ABCA3: variants seen among roughly 807,000 people sequenced by gnomAD.
ABCA3 encodes phospholipid-transporting ATPase ABCA3.
ABCA3 carries 88 observed loss-of-function variants against 172.8 expected under a neutral mutation model. That is an observed-to-expected ratio of 0.51 (90% CI 0.43 to 0.61). The LOEUF is 0.61. Ranked by LOEUF, ABCA3 falls within the 20% of genes least tolerant of loss-of-function variation. The pLI is 0.00. For synonymous variants in ABCA3, 1,066 were observed against 983.8 expected (o/e 1.08, Z -1.56); for missense variants, 2,164 against 2,301.0 (o/e 0.94, Z 1.22).
intron 20 of ABCA3, 135 bp downstream of exon 20, chr16:2,289,299 G>A (rs761618934): frequency 1.9e-5 from 21 of 1,099,412 alleles, no homozygotes; most frequent in Non-Finnish European, 2.5e-5. Context: ...GCCGCTGCCC[G>A]CCCTCTGCCC....
rs558911274 is a variant in ABCA3 at position 2,297,724 on chromosome 16, G to A, written c.2052+42C>T. 1.2e-5 allele frequency: 19 copies of A among 1,604,826 alleles called. No homozygotes were observed. The highest frequency in any genetic ancestry group is 6.7e-5 in the Admixed American group (4 of 60,004). The stretch of plus-strand genomic sequence containing the variant: ...CATGGCGGAAGGGCCATCCCAGGTC[G>A]AGCAGGAGGGGAACCCACTGCCTCC... On this transcript the variant is annotated intron_variant, in intron 16 of 32. Transcript: ENST00000301732. This position sits in a 1 kb window ranked among gnomAD's most constrained non-coding sequence, Gnocchi z 5.6.
intron 7 of ABCA3, 72 bp downstream of exon 7, chr16:2,323,451 G>C: frequency 6.3e-7 from 1 of 1,587,450 alleles, no homozygotes; most frequent in Non-Finnish European, 8.6e-7. Context: ...TTGCAAAGTG[G>C]GGCTGCCCCC....
chr16:2,302,438 G>A (rs2141713708), intron 12 of ABCA3, among the ~76,000 whole-genome samples: 1 of 151,598 alleles, frequency 6.6e-6, no homozygotes, highest in African/African-American at 2.4e-5. Context: ...TATCTGAGTT[G>A]TACTGTTAGG....
rs78569833 is a variant in ABCA3, at chr16:2,297,167, A to C, written c.2263+162T>G. On this transcript the variant is annotated intron_variant, in intron 17 of 32. Coordinates refer to ENST00000301732, the MANE Select transcript of ABCA3 (RefSeq NM_001089.3). The surrounding 1 kb of genome is among the most constrained non-coding windows in gnomAD (Gnocchi z 5.6). ...CATTTCCTGCCTCTTCCCTCTCACA[A>C]GCCCCCCTGCCTGGTTGGGCTCTCC... 5.8e-3 allele frequency among the ~76,000 whole-genome samples: 888 copies of C among 152,034 alleles called. 4 individuals are homozygous for C. The highest frequency in any genetic ancestry group is 8.4e-3 in the Non-Finnish European group (569 of 67,970).
chr16:2,317,705 C>G lies in ABCA3; in HGVS notation c.933G>C (p.Leu311Phe), dbSNP rs371857617. 6.2e-7 allele frequency: 1 copy of G among 1,614,238 alleles called. No homozygotes were observed. ...SWLHWSAWFLLFFLFLLIAAS... is the reference protein window; with the variant it reads ...SWLHWSAWFLFFFLFLLIAAS... Reference sequence around the variant, plus strand: ...CGGCGATGAGGAGGAAGAGGAAGAACAAGAGGAACCAGGCACTCCAGTGCA... The same window carrying G: ...CGGCGATGAGGAGGAAGAGGAAGAAGAAGAGGAACCAGGCACTCCAGTGCA... Residue 311 changes from leucine (L) to phenylalanine (F), a missense_variant, in exon 9 of 33, where the codon TTG (leucine) becomes TTC (phenylalanine). By Grantham distance (22) the Leu-to-Phe change is conservative. Coordinates refer to ENST00000301732, the MANE Select transcript of ABCA3 (RefSeq NM_001089.3).
In ABCA3 at chr16:2,328,778, T is replaced by TCCATCAG. The variant is rs2093738546; in HGVS notation, c.-331-28_-331-22dup. On this transcript the variant is annotated intron_variant, in intron 2 of 32. Coordinates refer to ENST00000301732, the MANE Select transcript of ABCA3 (RefSeq NM_001089.3). ...CATGGCTGATCCAAACCCAACATCATCCATCAGCCAGGTTAAGATGCACGG... is the reference window on the plus strand; with the variant it reads ...CATGGCTGATCCAAACCCAACATCATCCATCAGCCATCAGCCAGGTTAAGATGCACGG... The TCCATCAG allele has an allele frequency of 5.8e-5, 15 of 259,358 alleles. No homozygotes were observed. The South Asian group carries it at 6.0e-4, about 10-fold the overall frequency. 16.1% of individuals were successfully genotyped at this position (259,358 alleles called of 1,614,324 possible). A position where few individuals can be genotyped will look rare whatever the true frequency, so the allele number is the denominator to read the frequency against.
chr16:2,298,779 GAC>G (rs139390309), intron 14 of ABCA3, among the ~76,000 whole-genome samples: 14 of 152,000 alleles, frequency 9.2e-5, no homozygotes, highest in South Asian at 2.1e-4. Flanking sequence ...AGAAACCCAC[GAC>G]ACACACACAC....
rs1228358980 is a variant in ABCA3, at chr16:2,317,631, A to G, written c.990+17T>C. 3 of 1,613,702 alleles carry G rather than the reference A, an allele frequency of 1.9e-6. No homozygotes were observed. In the South Asian group the frequency reaches 3.3e-5, roughly 18 times the overall value. On this transcript the variant is annotated intron_variant, in intron 9 of 32. Coordinates refer to ENST00000301732, the MANE Select transcript of ABCA3 (RefSeq NM_001089.3). ...CTCTCCCCGTCCTCACCAGAGCCCC[A>G]CCGACGCCATGCTCACCTTGACACA...
intron 10 of ABCA3, among the ~76,000 whole-genome samples, chr16:2,310,098 C>T (rs323072): frequency 0.3 from 45,685 of 151,770 alleles, 7,024 homozygotes; most frequent in Admixed American, 0.41. Context: ...CACTACAAGT[C>T]AACATACATT....
In ABCA3 at chr16:2,279,953, G is replaced by GA. The variant is rs1270114648; in HGVS notation, c.4360-824_4360-823insT. Among the ~76,000 whole-genome samples the GA allele has an allele frequency of 6.6e-6, 1 of 152,210 alleles. No individual in the cohort carries two copies. The highest frequency in any genetic ancestry group is 1.5e-5 in the Non-Finnish European group (1 of 68,038). ...TTTGGTAGAGACAGCATTTTGCCATGTTGGCCAGGCTGGTCTCGAACTCTA... is the reference window on the plus strand; with the variant it reads ...TTTGGTAGAGACAGCATTTTGCCATGATTGGCCAGGCTGGTCTCGAACTCTA... On this transcript the variant is annotated intron_variant, in intron 28 of 32. Coordinates refer to ENST00000301732, the MANE Select transcript of ABCA3 (RefSeq NM_001089.3). This position sits in a 1 kb window ranked among gnomAD's most constrained non-coding sequence, Gnocchi z 4.4.
At chr16:2,330,423 G>A (rs991312017) in intron 1 of ABCA3, among the ~76,000 whole-genome samples, 1 of 147,844 alleles carries the variant, frequency 6.8e-6, no homozygotes, top group African/African-American at 2.5e-5. Flanking sequence ...AGGTTCAAGC[G>A]ATTCTCCTAC....
At chr16:2,324,034 ACTTT>A (rs2093730282) in intron 6 of ABCA3, among the ~76,000 whole-genome samples, 1 of 152,092 alleles carries the variant, frequency 6.6e-6, no homozygotes, top group African/African-American at 2.4e-5. Flanking sequence ...CAAAAACCTC[ACTTT>A]CTTTCTTTCC....
chr16:2,280,934 G>T, intron 28 of ABCA3, 93 bp downstream of exon 28: 1 of 1,529,334 alleles, frequency 6.5e-7, no homozygotes, highest in Non-Finnish European at 9.0e-7. Flanking sequence ...TGCAGCAGCT[G>T]TTTGGGGACA....
At chr16:2,332,426 CTT>C (rs2093744819) in intron 1 of ABCA3, 1 of 1,190,940 alleles carries the variant, frequency 8.4e-7, no homozygotes, top group African/African-American at 1.6e-5. Context: ...ATGAGGATGT[CTT>C]TGATCTCCTT....
chr16:2,311,697 T>A (rs1344086715), intron 10 of ABCA3, among the ~76,000 whole-genome samples: 2 of 152,208 alleles, frequency 1.3e-5, no homozygotes, highest in African/African-American at 4.8e-5. Flanking sequence ...AATTTTTGTA[T>A]TTTTAATAGA....
At chr16:2,294,292 C>T (rs3114133) in intron 18 of ABCA3, among the ~76,000 whole-genome samples, 28,148 of 151,836 alleles carry the variant, frequency 0.19, 2,752 homozygotes, top group African/African-American at 0.22. Context: ...TCCCAAAGTG[C>T]TGGGATTACA....
intron 1 of ABCA3, among the ~76,000 whole-genome samples, chr16:2,336,632 G>A (rs1371006125): frequency 7.2e-6 from 1 of 138,930 alleles, no homozygotes; most frequent in East Asian, 2.1e-4. Context: ...TAGAGACGGG[G>A]TTTCACCATG....
rs2093659034 is a variant in ABCA3 at position 2,284,063 on chromosome 16, C to T, written c.3862+216G>A. On this transcript the variant is annotated intron_variant, in intron 25 of 32. Transcript: ENST00000301732. This position sits in a 1 kb window ranked among gnomAD's most constrained non-coding sequence, Gnocchi z 5.9. ...GTTCCTTGTTACAGATGCCCAGACA[C>T]TGAGGCAGGTGGGAGAGTGGGAGCT... The T allele has an allele frequency of 1.2e-5, 7 of 560,912 alleles. No individual in the cohort carries two copies. The highest frequency in any genetic ancestry group is 8.2e-5 in the South Asian group (4 of 48,510). The allele number at this position is 560,912 out of a possible 1,614,324, so 34.7% of individuals were successfully genotyped here.
intron 11 of ABCA3, among the ~76,000 whole-genome samples, chr16:2,304,934 C>T (rs945577875): frequency 6.6e-6 from 1 of 152,094 alleles, no homozygotes; most frequent in Non-Finnish European, 1.5e-5. Context: ...CTCGGCCTCC[C>T]AAAGCGCTGG....
Sources: gnomAD v4.1 joint callset for allele counts (sites outside exome capture counted in the v4.1 genomes callset) on GRCh38, gnomAD v4.1.1 for gene constraint, Gnocchi (gnomAD v3.1) non-coding constraint, MANE v1.5 for transcripts, NCBI Gene and HGNC (gene_info 2026-07-23, HGNC 2026-07-21) for gene names.